The following ASTN1 variants were observed in gnomAD, a reference collection of about 807,000 sequenced individuals.
ASTN1 encodes the protein astrotactin-1.
Under a neutral mutation model 140.7 loss-of-function variants are expected in ASTN1, and 41 were observed. That is an observed-to-expected ratio of 0.29 (90% CI 0.23 to 0.38). ASTN1 has a LOEUF of 0.38. ASTN1 is among the 10% of genes least tolerant of loss of function. ASTN1 has a pLI of 1.00. For synonymous variants in ASTN1, 640 were observed against 652.2 expected (o/e 0.98, Z 0.29); for missense variants, 1,479 against 1,678.8 (o/e 0.88, Z 2.08).
At chr1:177,114,359 C>A (rs1252381388) in intron 1 of ASTN1, among the ~76,000 whole-genome samples, 1 of 151,964 alleles carries the variant, frequency 6.6e-6, no homozygotes, top group Non-Finnish European at 1.5e-5. Flanking sequence ...ATTTGTTTTT[C>A]CTATTAGAGC....
chr1:177,142,859 G>A (rs1452004968), intron 1 of ASTN1, among the ~76,000 whole-genome samples: 2 of 148,886 alleles, frequency 1.3e-5, no homozygotes, highest in Non-Finnish European at 3.0e-5. Flanking sequence ...TGGGAAATCA[G>A]GATTCTTTGA....
chr1:177,117,577 C>T (rs1681156088), intron 1 of ASTN1, among the ~76,000 whole-genome samples: 1 of 152,170 alleles, frequency 6.6e-6, no homozygotes, highest in Non-Finnish European at 1.5e-5. Context: ...TGCAGCAGCT[C>T]CTTCTTCAAG....
chr1:177,008,030 G>A (rs1404366386), intron 8 of ASTN1, among the ~76,000 whole-genome samples: 1 of 152,166 alleles, frequency 6.6e-6, no homozygotes, highest in Non-Finnish European at 1.5e-5. Context: ...CAAGTTACAT[G>A]TTTTCGCTTG....
chr1:176,959,246 A>C (rs1288735648), intron 9 of ASTN1, among the ~76,000 whole-genome samples: 1 of 152,186 alleles, frequency 6.6e-6, no homozygotes, highest in African/African-American at 2.4e-5. Context: ...CTCTGTGTTC[A>C]TAGTCAAAAA....
chr1:176,914,331 G>T (rs1279539932), intron 16 of ASTN1, among the ~76,000 whole-genome samples: 1 of 152,142 alleles, frequency 6.6e-6, no homozygotes, highest in Non-Finnish European at 1.5e-5. Flanking sequence ...GTCGCCAAAG[G>T]CCTCATGGAG....
chr1:177,085,586 G>T (rs745768582), intron 1 of ASTN1, among the ~76,000 whole-genome samples: 3 of 152,122 alleles, frequency 2.0e-5, no homozygotes, highest in South Asian at 2.1e-4. Context: ...CCCTGGGCAG[G>T]TTCCTTGATG....
chr1:177,134,504 G>T (rs1159856304), intron 1 of ASTN1, among the ~76,000 whole-genome samples: 1 of 152,096 alleles, frequency 6.6e-6, no homozygotes, highest in Non-Finnish European at 1.5e-5. Flanking sequence ...CCACTGGAGT[G>T]GACTTAGGCA....
At chr1:176,896,668 A>T (rs567411305) in intron 16 of ASTN1, among the ~76,000 whole-genome samples, 1 of 152,314 alleles carries the variant, frequency 6.6e-6, no homozygotes, top group African/African-American at 2.4e-5. Context: ...ATTACATAGC[A>T]ATCAAGAACA....
At chr1:176,974,681 A>G (rs777073009) in intron 8 of ASTN1, among the ~76,000 whole-genome samples, 24 of 152,340 alleles carry the variant, frequency 1.6e-4, no homozygotes, top group Admixed American at 2.6e-4. Context: ...CACCGCACCC[A>G]GCCTGAAAAG....
intron 1 of ASTN1, among the ~76,000 whole-genome samples, chr1:177,067,559 T>G (rs1045782173): frequency 8.5e-5 from 13 of 152,158 alleles, no homozygotes; most frequent in African/African-American, 3.1e-4. Context: ...TTCAGAATGG[T>G]CTTCTCACTG....
rs1352090892 is a variant in ASTN1, at chr1:177,023,575, C to G, written c.1271-4G>C. 2 of 1,577,918 alleles carry G rather than the reference C, an allele frequency of 1.3e-6. No individual in the cohort carries two copies. Among genetic ancestry groups the G allele is most frequent in the Non-Finnish European group, 1.7e-6 (2 of 1,166,162 alleles). ...TCCAGCAAGATGAAGCGGCTCCCTG[C>G]AGGGTGAGAGAAAGGAAGCATGCCT... is the stretch of plus-strand genomic sequence containing the variant. On this transcript the variant is annotated splice_region_variant and splice_polypyrimidine_tract_variant and intron_variant, in intron 6 of 22. Coordinates refer to ENST00000361833, the MANE Select transcript of ASTN1 (RefSeq NM_004319.3).
intron 2 of ASTN1, among the ~76,000 whole-genome samples, chr1:177,050,223 T>A (rs181890347): frequency 1.3e-5 from 2 of 152,312 alleles, no homozygotes; most frequent in African/African-American, 4.8e-5. Flanking sequence ...AATCCTTTCA[T>A]AAGCATCTGA....
chr1:176,950,460 T>G (rs773972905), intron 11 of ASTN1, among the ~76,000 whole-genome samples: 2 of 152,202 alleles, frequency 1.3e-5, no homozygotes, highest in Non-Finnish European at 2.9e-5. Flanking sequence ...ATGAGGAGCT[T>G]GGCACTATGC....
chr1:176,859,981 T>TG (rs1667916907), downstream of ASTN1, among the ~76,000 whole-genome samples: 1 of 152,120 alleles, frequency 6.6e-6, no homozygotes, highest in South Asian at 2.1e-4. Flanking sequence ...TACAGCTTCA[T>TG]TCACCTGTTT....
At chr1:176,933,438 A>T (rs1229521223) in intron 16 of ASTN1, among the ~76,000 whole-genome samples, 1 of 152,238 alleles carries the variant, frequency 6.6e-6, no homozygotes, top group Non-Finnish European at 1.5e-5. Context: ...GATAAACTCA[A>T]GAGAAATTCC....
intron 1 of ASTN1, among the ~76,000 whole-genome samples, chr1:177,078,876 T>A (rs1470078948): frequency 1.3e-5 from 2 of 152,098 alleles, no homozygotes; most frequent in African/African-American, 4.8e-5. Context: ...GCACTGTACA[T>A]GACAGCCAAA....
At position 176,864,180 on chromosome 1, in the gene ASTN1, G is replaced by GT; in HGVS notation, c.*103dup. 1 of 1,509,774 alleles carries GT rather than the reference G, an allele frequency of 6.6e-7. No individual in the cohort carries two copies. The highest frequency in any genetic ancestry group is 1.3e-5 in the South Asian group (1 of 74,942). The allele number at this position is 1,509,774 out of a possible 1,614,324, so 93.5% of individuals were successfully genotyped here. ...CCCTGGTTTCGATGTTGCTGTGGAG[G>GT]TTTTCATGTTCCATTAAAAAATATT... On this transcript the variant is annotated 3_prime_UTR_variant, in exon 23 of 23. Coordinates refer to ENST00000361833, the MANE Select transcript of ASTN1 (RefSeq NM_004319.3).
At chr1:177,128,712 A>C (rs544996993) in intron 1 of ASTN1, among the ~76,000 whole-genome samples, 1 of 152,322 alleles carries the variant, frequency 6.6e-6, no homozygotes, top group South Asian at 2.1e-4. Context: ...CTAAAAGACT[A>C]ATCTCCTATG....
chr1:176,970,694 G>A lies in ASTN1; in HGVS notation c.1524-5457C>T, dbSNP rs947793638. ...GCAGAGTGAGAGAGAATATATGTAT[G>A]TATATATGTATCTGTGTATATATGA... On this transcript the variant is annotated intron_variant, in intron 8 of 22. Coordinates refer to ENST00000361833, the MANE Select transcript of ASTN1 (RefSeq NM_004319.3). Among the ~76,000 whole-genome samples the A allele has an allele frequency of 2.0e-5, 3 of 150,598 alleles. No homozygotes were observed. The South Asian group carries it at 6.3e-4, about 32-fold the overall frequency.
Sources: gnomAD v4.1 joint callset for allele counts (sites outside exome capture counted in the v4.1 genomes callset) on GRCh38, gnomAD v4.1.1 for gene constraint, MANE v1.5 for transcripts, NCBI Gene and HGNC (gene_info 2026-07-23, HGNC 2026-07-21) for gene names.